The following SON variants were observed in gnomAD, a reference collection of about 807,000 sequenced individuals.
SON encodes the protein protein SON.
Under a neutral mutation model 173.3 loss-of-function variants are expected in SON, and 4 were observed. The observed-to-expected ratio is 0.02, with a 90% CI of 0.01 to 0.05. The LOEUF (loss-of-function observed/expected upper bound fraction) is 0.05. Among genes scored for constraint, SON ranks in the 10% least tolerant of loss-of-function variants. SON has a pLI of 1.00. For synonymous variants in SON, 1,190 were observed against 1,105.9 expected (o/e 1.08, Z -1.51); for missense variants, 2,626 against 3,055.3 (o/e 0.86, Z 3.31).
chr21:33,561,939 AT>A (rs1251262946), intron 6 of SON, among the ~76,000 whole-genome samples: 4 of 152,210 alleles, frequency 2.6e-5, no homozygotes, highest in African/African-American at 9.7e-5. Flanking sequence ...GTGGGACGAT[AT>A]ATGTAACTAT....
chr21:33,572,370 TTTC>T, intron 8 of SON: 1 of 302,012 alleles, frequency 3.3e-6, no homozygotes, highest in Non-Finnish European at 6.8e-6. Context: ...GCATTGAATA[TTTC>T]TTAACCTGTA....
Position 33,550,912 on chromosome 21 carries a change from C to A in SON, c.1681C>A (p.Pro561Thr), listed in dbSNP as rs767377460. The A allele has an allele frequency of 6.2e-7, 1 of 1,607,192 alleles. No homozygotes were observed. Among genetic ancestry groups the A allele is most frequent in the South Asian group, 1.1e-5 (1 of 90,902 alleles). ...AGTGGCAACGACAGCGCTGGAGTTGCCGGGGCAGCCTTCGGTGACTGGGGT... is the reference window on the plus strand; with the variant it reads ...AGTGGCAACGACAGCGCTGGAGTTGACGGGGCAGCCTTCGGTGACTGGGGT... ...QPVATTALEL[P>T]GQPSVTGVPE... The change falls in exon 3 of 12, where the codon CCG (proline) becomes ACG (threonine). Residue 561 changes from proline to threonine, a missense_variant. Physicochemically the swap from Pro to Thr is conservative, Grantham distance 38. Around this residue, in one of 13 missense-constraint regions of SON, gnomAD observed 757 missense variants for 730.1 expected, o/e 1.04. Coordinates refer to ENST00000356577, the MANE Select transcript of SON (RefSeq NM_138927.4).
In SON at chr21:33,554,100, T is replaced by C. The variant is rs557494910; in HGVS notation, c.4869T>C (p.Val1623=). 6.2e-7 allele frequency: 1 copy of C among 1,613,880 alleles called. No homozygotes were observed. The highest frequency in any genetic ancestry group is 1.1e-5 in the South Asian group (1 of 91,072). ...EFTTASTLSL[V]NKYDVDLSLT... is the part of the protein sequence containing the mutation. ...CCACAGCATCTACTCTCAGTTTAGTTAATAAATATGATGTTGATTTATCTT... is the reference window on the plus strand; with the variant it reads ...CCACAGCATCTACTCTCAGTTTAGTCAATAAATATGATGTTGATTTATCTT... The change falls in exon 3 of 12, where the codon GTT becomes GTC. Residue 1623 remains valine, a synonymous_variant. Transcript: ENST00000356577.
At chr21:33,574,225 A>T (rs1014227484) in intron 9 of SON, among the ~76,000 whole-genome samples, 1 of 152,182 alleles carries the variant, frequency 6.6e-6, no homozygotes, top group Non-Finnish European at 1.5e-5. Context: ...GCTTGTTTAA[A>T]CCTCATTTAT....
chr21:33,555,044 G>A lies in SON; in HGVS notation c.5813G>A (p.Arg1938Gln), dbSNP rs749851530. The change falls in exon 3 of 12, where the codon CGA becomes CAA. Residue 1938 changes from arginine to glutamine, a missense_variant. By Grantham distance (43) the Arg-to-Gln change is conservative. Transcript: ENST00000356577. ...RSRSHTPSRRRRSRSVGRRRS... is the reference protein window; with the variant it reads ...RSRSHTPSRRQRSRSVGRRRS... The stretch of plus-strand genomic sequence containing the variant: ...CGGAGTCATACTCCAAGTCGTCGAC[G>A]AAGGTCTAGATCTGTGGGTAGAAGA... 1.2e-6 allele frequency: 2 copies of A among 1,612,846 alleles called. No individual in the cohort carries two copies. Among genetic ancestry groups the A allele is most frequent in the Non-Finnish European group, 1.7e-6 (2 of 1,179,922 alleles).
At position 33,552,273 on chromosome 21, in the gene SON, ACGCTCTATGATGTCTTATGAG is replaced by A. The variant is rs2085816238; in HGVS notation, c.3045_3065del (p.Tyr1020_Ser1026del). ...AACGTTCCATGATGTCATCTTACGA[ACGCTCTATGATGTCTTATGAG>A]CGGTCTATGATGTCCCCTATGGCTG... On this transcript the variant is annotated inframe_deletion, in exon 3 of 12. Transcript: ENST00000356577. This position sits in a 1 kb window ranked among gnomAD's most constrained non-coding sequence, Gnocchi z 5.6. 6.2e-7 allele frequency: 1 copy of A among 1,613,926 alleles called. No individual in the cohort carries two copies. The highest frequency in any genetic ancestry group is 8.5e-7 in the Non-Finnish European group (1 of 1,180,000).
chr21:33,548,353 CCT>C (rs1481594292), intron 2 of SON, among the ~76,000 whole-genome samples: 2 of 151,990 alleles, frequency 1.3e-5, no homozygotes, highest in East Asian at 3.9e-4. Flanking sequence ...CTAAGAATTT[CCT>C]CTCTAAAATC....
Position 33,554,251 on chromosome 21 carries a change from C to G in SON, c.5020C>G (p.Leu1674Val). The change falls in exon 3 of 12, where the codon CTT becomes GTT. Residue 1674 changes from leucine (L) to valine (V), a missense_variant. This residue lies in a region of SON where 1,006 missense variants were observed against 895.6 expected (regional missense o/e 1.12). Coordinates refer to ENST00000356577, the MANE Select transcript of SON (RefSeq NM_138927.4). ...TCTTGATTTACCATCTAATAATAAC[C>G]TTGTTAGTAAGGATACAGAAGAACC... Reference protein sequence around the residue: ...IHLDLPSNNNLVSKDTEEPLP... With the variant: ...IHLDLPSNNNVVSKDTEEPLP... The G allele has an allele frequency of 6.2e-7, 1 of 1,613,968 alleles. No homozygotes were observed. The highest frequency in any genetic ancestry group is 8.5e-7 in the Non-Finnish European group (1 of 1,179,858).
At chr21:33,548,425 T>C (rs1442368282) in intron 2 of SON, among the ~76,000 whole-genome samples, 1 of 152,172 alleles carries the variant, frequency 6.6e-6, no homozygotes, top group Non-Finnish European at 1.5e-5. Context: ...CAGAATAGTA[T>C]TGGGGGAAAA....
Position 33,549,743 on chromosome 21 carries a change from C to T in SON, c.512C>T (p.Thr171Ile). 1 of 1,614,124 alleles carries T rather than the reference C, an allele frequency of 6.2e-7. No homozygotes were observed. Among genetic ancestry groups the T allele is most frequent in the Non-Finnish European group, 8.5e-7 (1 of 1,180,022 alleles). Residue 171 changes from threonine to isoleucine, a missense_variant, in exon 3 of 12, where the codon ACA (threonine) becomes ATA (isoleucine). By Grantham distance (89) the Thr-to-Ile change is moderately conservative (BLOSUM62 -1). Coordinates refer to ENST00000356577, the MANE Select transcript of SON (RefSeq NM_138927.4). ...EPSAVALELPTRAFGPSETNE... is the reference protein window; with the variant it reads ...EPSAVALELPIRAFGPSETNE... ...TCAGCTGTGGCGCTGGAGCTTCCTA[C>T]AAGAGCATTTGGCCCATCTGAGACC... is the stretch of plus-strand genomic sequence containing the variant.
At position 33,576,361 on chromosome 21, in the gene SON, A is replaced by C; in HGVS notation, c.7222-4A>C. Reference sequence around the variant, plus strand: ...TGTTCTTATTGTATGTTTTTCTTGAATAGGTATTGAGAAATGGAGCCCTTA... The same window carrying C: ...TGTTCTTATTGTATGTTTTTCTTGACTAGGTATTGAGAAATGGAGCCCTTA... On this transcript the variant is annotated splice_region_variant and splice_polypyrimidine_tract_variant and intron_variant, in intron 11 of 11. Transcript: ENST00000356577. The C allele has an allele frequency of 1.7e-5, 21 of 1,256,892 alleles. 1 individual carries two copies. The highest frequency in any genetic ancestry group is 2.5e-5 in the Non-Finnish European group (21 of 853,870). The allele number at this position is 1,256,892 out of a possible 1,614,324, so 77.9% of individuals were successfully genotyped here. A position where few individuals can be genotyped will look rare whatever the true frequency, so the allele number is the denominator to read the frequency against.
Position 33,555,340 on chromosome 21 carries a change from A to G in SON, c.6109A>G (p.Arg2037Gly). 1 of 1,596,166 alleles carries G rather than the reference A, an allele frequency of 6.3e-7. No homozygotes were observed. Among genetic ancestry groups the G allele is most frequent in the Non-Finnish European group, 8.5e-7 (1 of 1,171,486 alleles). Residue 2037 changes from arginine (R) to glycine (G), a missense_variant, in exon 3 of 12, where the codon AGA becomes GGA. Physicochemically the swap from Arg to Gly is moderately radical, Grantham distance 125. Around this residue, in one of 13 missense-constraint regions of SON, gnomAD observed 138 missense variants for 222.9 expected, o/e 0.62. Transcript: ENST00000356577. ...TAGCAGATCTCCCATCCGTCGTAAA[A>G]GATCCAGGTCTTCTGAACGAGGCAG... ...RFSRSPIRRK[R>G]SRSSERGRSP...
Position 33,550,982 on chromosome 21 carries a change from TGTC to T in SON, c.1753_1755del (p.Ser585del). On this transcript the variant is annotated inframe_deletion, in exon 3 of 12. Coordinates refer to ENST00000356577, the MANE Select transcript of SON (RefSeq NM_138927.4). ...CCTTCGGCAACTAGGGCACTGGAGT[TGTC>T]GGGGCAGCCTGTGGCAACTGGGGCA... 2 of 1,605,120 alleles carry T rather than the reference TGTC, an allele frequency of 1.2e-6. No homozygotes were observed. Among genetic ancestry groups the T allele is most frequent in the Non-Finnish European group, 1.7e-6 (2 of 1,174,390 alleles).
At chr21:33,562,010 A>G (rs2086079049) in intron 6 of SON, among the ~76,000 whole-genome samples, 1 of 152,198 alleles carries the variant, frequency 6.6e-6, no homozygotes, top group Non-Finnish European at 1.5e-5. Flanking sequence ...ATACAGATTA[A>G]TTCTAAAGAA....
intron 11 of SON, 128 bp downstream of exon 11, chr21:33,576,021 G>C (rs929393080): frequency 8.8e-6 from 5 of 567,930 alleles, no homozygotes; most frequent in Admixed American, 3.4e-5. Context: ...TAGTTAAGTG[G>C]TGGGGTTTTT....
chr21:33,543,295 C>G, intron 1 of SON, 126 bp downstream of exon 1: 1 of 876,932 alleles, frequency 1.1e-6, no homozygotes. Flanking sequence ...CCGCCTGGGC[C>G]TGGGATCCAT....
chr21:33,553,154 C>T lies in SON; in HGVS notation c.3923C>T (p.Thr1308Ile). The T allele has an allele frequency of 6.2e-7, 1 of 1,614,174 alleles. No homozygotes were observed. ...LASEPPVMSE[T>I]AETFDSMRAS... Reference sequence around the variant, plus strand: ...TCAGAGCCTCCTGTTATGTCAGAGACAGCAGAAACATTTGATTCCATGAGA... The same window carrying T: ...TCAGAGCCTCCTGTTATGTCAGAGATAGCAGAAACATTTGATTCCATGAGA... The change falls in exon 3 of 12, where the codon ACA becomes ATA. Residue 1308 changes from threonine (T) to isoleucine (I), a missense_variant. Coordinates refer to ENST00000356577, the MANE Select transcript of SON (RefSeq NM_138927.4).
Position 33,554,796 on chromosome 21 carries a change from G to A in SON, c.5565G>A (p.Lys1855=). 2 of 1,613,948 alleles carry A rather than the reference G, an allele frequency of 1.2e-6. No individual in the cohort carries two copies. The highest frequency in any genetic ancestry group is 1.7e-6 in the Non-Finnish European group (2 of 1,180,038). The change falls in exon 3 of 12, where the codon AAG becomes AAA. Residue 1855 remains lysine, a synonymous_variant. Coordinates refer to ENST00000356577, the MANE Select transcript of SON (RefSeq NM_138927.4). ...CAAGAAAGAGATCATCTAAGTCCAA[G>A]TCTCATCGCTCTCAGACACGTTCAC... ...SRARKRSSKS[K]SHRSQTRSRS...
chr21:33,550,993 C>T lies in SON; in HGVS notation c.1762C>T (p.Pro588Ser), dbSNP rs1489495328. 1 of 1,605,278 alleles carries T rather than the reference C, an allele frequency of 6.2e-7. No homozygotes were observed. The highest frequency in any genetic ancestry group is 1.7e-5 in the Admixed American group (1 of 59,188). ...TAGGGCACTGGAGTTGTCGGGGCAG[C>T]CTGTGGCAACTGGGGCACTAGAGTT... ...ATRALELSGQ[P>S]VATGALELPG... The change falls in exon 3 of 12, where the codon CCT (proline) becomes TCT (serine). Residue 588 changes from proline (P) to serine (S), a missense_variant. Pro to Ser is a moderately conservative substitution (Grantham distance 74). Coordinates refer to ENST00000356577, the MANE Select transcript of SON (RefSeq NM_138927.4).
Sources: allele counts gnomAD v4.1 joint callset (sites outside exome capture counted in the v4.1 genomes callset), GRCh38; gene constraint gnomAD v4.1.1; regional missense constraint gnomAD v4.1.1; non-coding constraint Gnocchi (gnomAD v3.1); transcripts MANE v1.5; gene names NCBI Gene and HGNC (gene_info 2026-07-23, HGNC 2026-07-21).